Variants in CDH8 observed in about 807,000 individuals in gnomAD.
CDH8 encodes cadherin 8, also known as cadherin-8.
In CDH8, 17 loss-of-function variants were observed where a neutral mutation model predicts 68.1. The observed-to-expected ratio is 0.25, with a 90% CI of 0.17 to 0.37. The LOEUF (loss-of-function observed/expected upper bound fraction) is 0.37. CDH8 is among the 10% of genes least tolerant of loss of function. The pLI, the probability that CDH8 is intolerant of heterozygous loss-of-function variation, is 1.00. For synonymous variants in CDH8, 372 were observed against 365.1 expected, an observed-to-expected ratio of 1.02 and a Z score of -0.21; for missense variants, 763 against 999.3, an observed-to-expected ratio of 0.76 and a Z score of 3.19.
intron 8 of CDH8, among the ~76,000 whole-genome samples, chr16:61,779,209 C>T (rs940527638): frequency 1.6e-4 from 24 of 152,122 alleles, no homozygotes; most frequent in African/African-American, 5.6e-4. Flanking sequence ...ATCACGTTCT[C>T]TGTGAAGGAC....
At chr16:61,770,720 T>A (rs184476055) in intron 8 of CDH8, among the ~76,000 whole-genome samples, 5 of 152,066 alleles carry the variant, frequency 3.3e-5, no homozygotes, top group Admixed American at 2.0e-4. Context: ...ACAGAACTCA[T>A]TTCTTCCTCC....
chr16:61,992,092 G>GAGAGAT (rs1370682741), intron 2 of CDH8, among the ~76,000 whole-genome samples: 1 of 149,488 alleles, frequency 6.7e-6, no homozygotes, highest in African/African-American at 2.4e-5. Flanking sequence ...GAGAGAGAGA[G>GAGAGAT]ATTTTTACAG....
chr16:61,767,453 T>C (rs148893430), intron 8 of CDH8, among the ~76,000 whole-genome samples: 191 of 152,058 alleles, frequency 1.3e-3, no homozygotes, highest in African/African-American at 4.3e-3. Flanking sequence ...ATACCAGCCA[T>C]GGACCATTTT....
intron 10 of CDH8, among the ~76,000 whole-genome samples, chr16:61,660,973 C>A (rs1320775132): frequency 6.6e-6 from 1 of 151,514 alleles, no homozygotes; most frequent in African/African-American, 2.4e-5. Flanking sequence ...TGACTCAAAT[C>A]CACATTAAAA....
chr16:61,979,656 T>C (rs75387147), intron 2 of CDH8, among the ~76,000 whole-genome samples: 1 of 151,982 alleles, frequency 6.6e-6, no homozygotes, highest in Non-Finnish European at 1.5e-5. Flanking sequence ...TTTTTTTTTT[T>C]CTAAGATACC....
intron 8 of CDH8, among the ~76,000 whole-genome samples, chr16:61,763,667 C>G (rs1362123756): frequency 1.3e-5 from 2 of 152,080 alleles, no homozygotes; most frequent in Non-Finnish European, 2.9e-5. Context: ...AATCATTTAT[C>G]ATTTTTATAT....
At chr16:61,701,751 C>T (rs1335010208) in intron 10 of CDH8, among the ~76,000 whole-genome samples, 1 of 152,138 alleles carries the variant, frequency 6.6e-6, no homozygotes, top group African/African-American at 2.4e-5. Context: ...CACCAAAGGG[C>T]CACTCCAGGC....
At chr16:61,991,927 G>C (rs372387548) in intron 2 of CDH8, among the ~76,000 whole-genome samples, 2 of 152,110 alleles carry the variant, frequency 1.3e-5, no homozygotes, top group Admixed American at 6.6e-5. Context: ...GGAGAAGCAA[G>C]TTGCTCTGAT....
chr16:62,035,444 T>C (rs959204790), intron 1 of CDH8, among the ~76,000 whole-genome samples: 4 of 151,974 alleles, frequency 2.6e-5, no homozygotes, highest in Admixed American at 2.6e-4. Flanking sequence ...GCAGGGCGAC[T>C]CCGGAGCCCG....
intron 3 of CDH8, among the ~76,000 whole-genome samples, chr16:61,878,377 T>C (rs1016638574): frequency 1.3e-5 from 2 of 152,228 alleles, no homozygotes; most frequent in African/African-American, 4.8e-5. Flanking sequence ...ATGTATTTAG[T>C]ATGCAATGGT....
At chr16:61,814,611 G>A (rs6498810) in intron 7 of CDH8, among the ~76,000 whole-genome samples, 82,691 of 152,064 alleles carry the variant, frequency 0.54, 25,030 homozygotes, top group African/African-American at 0.83. Flanking sequence ...CAAATTAAAC[G>A]TTATCCTAAA....
chr16:61,900,542 A>G (rs895832337), intron 3 of CDH8, among the ~76,000 whole-genome samples: 65 of 152,296 alleles, frequency 4.3e-4, no homozygotes, highest in African/African-American at 1.5e-3. Context: ...AGGGAGAAAC[A>G]AGAATAAAAT....
intron 9 of CDH8, among the ~76,000 whole-genome samples, chr16:61,718,041 T>C (rs79913389): frequency 0.018 from 2,660 of 151,492 alleles, 77 homozygotes; most frequent in African/African-American, 0.061. Context: ...GTATAAAATG[T>C]CTGATCCCAG....
intron 10 of CDH8, among the ~76,000 whole-genome samples, chr16:61,669,589 G>C (rs1233622702): frequency 6.6e-6 from 1 of 152,060 alleles, no homozygotes; most frequent in Non-Finnish European, 1.5e-5. Context: ...TTCTTACCCA[G>C]AAGGAGAAAA....
intron 2 of CDH8, among the ~76,000 whole-genome samples, chr16:61,994,107 T>A (rs1395584737): frequency 8.5e-5 from 13 of 152,204 alleles, no homozygotes; most frequent in Non-Finnish European, 1.9e-4. Context: ...GGGCTAAGTA[T>A]ATGTCTCCAT....
intron 8 of CDH8, among the ~76,000 whole-genome samples, chr16:61,782,212 G>C (rs1011312246): frequency 1.3e-5 from 2 of 152,176 alleles, no homozygotes; most frequent in Non-Finnish European, 2.9e-5. Context: ...CAGACAGTGG[G>C]CGCAGGCCAG....
At chr16:61,979,644 G>GTT (rs528627565) in intron 2 of CDH8, among the ~76,000 whole-genome samples, 2 of 146,162 alleles carry the variant, frequency 1.4e-5, no homozygotes, top group African/African-American at 2.5e-5. Context: ...TTTGTTTTAG[G>GTT]TTTTTTTTTT....
At chr16:61,961,963 G>A (rs1394927636) in intron 2 of CDH8, among the ~76,000 whole-genome samples, 2 of 152,162 alleles carry the variant, frequency 1.3e-5, no homozygotes, top group East Asian at 3.9e-4. Flanking sequence ...TACTGATAAT[G>A]TAAATAGTTG....
chr16:61,961,646 T>G (rs1004112571), intron 2 of CDH8, among the ~76,000 whole-genome samples: 3 of 152,192 alleles, frequency 2.0e-5, no homozygotes, highest in African/African-American at 7.2e-5. Context: ...GCCTAATAAA[T>G]AGCACACCCA....
Sources: gnomAD v4.1 joint callset for allele counts (sites outside exome capture counted in the v4.1 genomes callset) on GRCh38, gnomAD v4.1.1 for gene constraint, MANE v1.5 for transcripts, NCBI Gene and HGNC (gene_info 2026-07-23, HGNC 2026-07-21) for gene names.